GALNTL6: variants seen among roughly 807,000 people sequenced by gnomAD.
The protein encoded by GALNTL6 is polypeptide N-acetylgalactosaminyltransferase like 6, also known as polypeptide N-acetylgalactosaminyltransferase-like 6.
A neutral mutation model predicts 73.7 loss-of-function variants in GALNTL6; 46 were observed. That is an observed-to-expected ratio of 0.62 (90% CI 0.49 to 0.80). The LOEUF is 0.80. Ranked by LOEUF, GALNTL6 falls within the 30% of genes least tolerant of loss-of-function variation. GALNTL6 has a pLI of 0.00. For synonymous variants in GALNTL6, 259 were observed against 263.7 expected (o/e 0.98, Z 0.17); for missense variants, 604 against 755.0 (o/e 0.80, Z 2.34).
chr4:172,418,555 T>C (rs1337201352), intron 5 of GALNTL6, among the ~76,000 whole-genome samples: 3 of 152,184 alleles, frequency 2.0e-5, no homozygotes, highest in African/African-American at 7.2e-5. Flanking sequence ...GCTGAGGGAA[T>C]AGCCAAATCC....
intron 9 of GALNTL6, among the ~76,000 whole-genome samples, chr4:172,935,803 C>CA (rs1748583465): frequency 6.6e-6 from 1 of 152,052 alleles, no homozygotes; most frequent in South Asian, 2.1e-4. Context: ...GCCTACCAAC[C>CA]AAAAAAGTCC....
intron 2 of GALNTL6, among the ~76,000 whole-genome samples, chr4:172,193,714 T>A (rs2110884552): frequency 6.6e-6 from 1 of 151,900 alleles, no homozygotes; most frequent in Non-Finnish European, 1.5e-5. Flanking sequence ...TACAAAAAAA[T>A]TAGCTGGGCG....
chr4:172,257,403 A>G (rs771840505), intron 3 of GALNTL6, among the ~76,000 whole-genome samples: 6 of 151,438 alleles, frequency 4.0e-5, no homozygotes, highest in Non-Finnish European at 8.9e-5. Flanking sequence ...ATTTTGAAGA[A>G]GGAAGCATGA....
In GALNTL6 at chr4:172,311,894, T is replaced by A; in HGVS notation, c.386+142T>A. 8.7e-6 allele frequency: 5 copies of A among 572,930 alleles called. No individual in the cohort carries two copies. The East Asian group carries it at 1.5e-4, about 17-fold the overall frequency. The allele number at this position is 572,930 out of a possible 1,614,324, so 35.5% of individuals were successfully genotyped here. On this transcript the variant is annotated intron_variant, in intron 4 of 12. Coordinates refer to ENST00000506823, the MANE Select transcript of GALNTL6 (RefSeq NM_001034845.3). ...TTTGATAAAAACTCATATTGCATCA[T>A]CTTAAATATACTTGACCTAAATTGG...
At chr4:172,384,567 G>GT (rs1017916684) in intron 5 of GALNTL6, among the ~76,000 whole-genome samples, 15 of 147,936 alleles carry the variant, frequency 1.0e-4, no homozygotes, top group African/African-American at 1.5e-4. Flanking sequence ...TTTCTTTATT[G>GT]TTTTTTTTTC....
intron 2 of GALNTL6, among the ~76,000 whole-genome samples, chr4:172,043,350 G>T (rs1742138902): frequency 6.6e-6 from 1 of 151,830 alleles, no homozygotes; most frequent in Non-Finnish European, 1.5e-5. Flanking sequence ...GCACAGAGAG[G>T]GTTAAAAGTG....
intron 2 of GALNTL6, among the ~76,000 whole-genome samples, chr4:171,825,556 T>G (rs1296791255): frequency 6.6e-6 from 1 of 152,136 alleles, no homozygotes; most frequent in Non-Finnish European, 1.5e-5. Flanking sequence ...TTTTGGAAGA[T>G]CTTTGGCATT....
At chr4:172,935,895 AATAG>A (rs1197506706) in intron 9 of GALNTL6, among the ~76,000 whole-genome samples, 1 of 152,210 alleles carries the variant, frequency 6.6e-6, no homozygotes, top group Non-Finnish European at 1.5e-5. Context: ...TATTCCAAAA[AATAG>A]ATAGAGAGGG....
chr4:172,190,873 T>G (rs1378931034), intron 2 of GALNTL6, among the ~76,000 whole-genome samples: 2 of 152,080 alleles, frequency 1.3e-5, no homozygotes, highest in South Asian at 4.1e-4. Flanking sequence ...GTCTAGGGAG[T>G]TGACTACTTC....
chr4:172,380,761 C>T (rs561943351), intron 5 of GALNTL6, among the ~76,000 whole-genome samples: 93 of 152,242 alleles, frequency 6.1e-4, no homozygotes, highest in Non-Finnish European at 1.1e-3. Flanking sequence ...CAGTCATATT[C>T]AATTGTTTTG....
At chr4:172,953,056 A>G (rs1749538234) in intron 10 of GALNTL6, among the ~76,000 whole-genome samples, 1 of 152,176 alleles carries the variant, frequency 6.6e-6, no homozygotes, top group Non-Finnish European at 1.5e-5. Flanking sequence ...TCATGAAGAA[A>G]TGCATTTCCA....
At chr4:171,903,360 C>T (rs112575167) in intron 2 of GALNTL6, among the ~76,000 whole-genome samples, 2,188 of 152,126 alleles carry the variant, frequency 0.014, 57 homozygotes, top group African/African-American at 0.05. Flanking sequence ...AGTTCCTTTT[C>T]CTAGTCAAAG....
At chr4:172,976,230 T>C (rs1750806247) in intron 10 of GALNTL6, among the ~76,000 whole-genome samples, 1 of 152,230 alleles carries the variant, frequency 6.6e-6, no homozygotes, top group African/African-American at 2.4e-5. Flanking sequence ...ACAACCAAAA[T>C]TACTATGTAG....
chr4:172,708,923 T>C (rs1734526134), intron 5 of GALNTL6, among the ~76,000 whole-genome samples: 1 of 152,210 alleles, frequency 6.6e-6, no homozygotes, highest in Admixed American at 6.5e-5. Flanking sequence ...TCTTGCCTTC[T>C]ACCCTAAGTG....
At chr4:172,301,876 A>G (rs1174490536) in intron 3 of GALNTL6, among the ~76,000 whole-genome samples, 1 of 152,120 alleles carries the variant, frequency 6.6e-6, no homozygotes, top group African/African-American at 2.4e-5. Flanking sequence ...TGCTGGGAGA[A>G]CCACTACTCT....
intron 10 of GALNTL6, among the ~76,000 whole-genome samples, chr4:172,987,240 A>C (rs1223330522): frequency 6.6e-6 from 1 of 152,088 alleles, no homozygotes; most frequent in East Asian, 1.9e-4. Context: ...CATGGCGGGG[A>C]GGCCTCAGGA....
intron 2 of GALNTL6, among the ~76,000 whole-genome samples, chr4:172,037,473 T>A (rs1741960722): frequency 6.6e-6 from 1 of 152,160 alleles, no homozygotes; most frequent in Non-Finnish European, 1.5e-5. Flanking sequence ...ACAGGAAAAC[T>A]AGATACTGTG....
At chr4:172,605,337 A>G (rs961731754) in intron 5 of GALNTL6, among the ~76,000 whole-genome samples, 8 of 152,150 alleles carry the variant, frequency 5.3e-5, no homozygotes, top group Non-Finnish European at 1.0e-4. Flanking sequence ...TAACTCTCTG[A>G]CTGGTGCTGT....
chr4:172,473,411 A>G (rs186459251), intron 5 of GALNTL6, among the ~76,000 whole-genome samples: 15 of 152,264 alleles, frequency 9.9e-5, no homozygotes, highest in Admixed American at 9.8e-4. Context: ...TATGTATCAT[A>G]TACACTGTTT....
Sources: gnomAD v4.1 joint callset for allele counts (sites outside exome capture counted in the v4.1 genomes callset) on GRCh38, gnomAD v4.1.1 for gene constraint, MANE v1.5 for transcripts, NCBI Gene and HGNC (gene_info 2026-07-23, HGNC 2026-07-21) for gene names.